Variants in TTN observed in about 807,000 individuals in gnomAD.
TTN encodes the protein titin.
In TTN, 1,525 loss-of-function variants were observed where a neutral mutation model predicts 3,223.0. The observed-to-expected ratio is 0.47, with a 90% CI of 0.45 to 0.49. The LOEUF (loss-of-function observed/expected upper bound fraction) is 0.49, where lower values mean the gene tolerates loss of function less well. TTN is among the 20% of genes least tolerant of loss of function. TTN has a pLI of 0.00. For synonymous variants in TTN, 14,094 were observed against 15,161.0 expected, an observed-to-expected ratio of 0.93 and a Z score of 5.17; for missense variants, 40,786 against 43,424.0, an observed-to-expected ratio of 0.94 and a Z score of 5.40.
At chr2:178,664,430 C>A (rs370553342) in intron 168 of TTN, 30 bp downstream of exon 168, 69 of 1,549,086 alleles carry the variant, frequency 4.5e-5, no homozygotes, top group Middle Eastern at 3.4e-4. Context: ...CACCCACTAT[C>A]CCACCATAAA....
Position 178,560,027 on chromosome 2 carries a change from A to C in TTN, c.86105T>G (p.Ile28702Ser). ...KSDDTDWKTS[I>S]QSLRGTEYTI... Reference sequence around the variant, plus strand: ...ATATTCTGTCCCTCGTAAGCTCTGAATGGAAGTTTTCCAGTCAGTGTCATC... The same window carrying C: ...ATATTCTGTCCCTCGTAAGCTCTGACTGGAAGTTTTCCAGTCAGTGTCATC... The change falls in exon 326 of 363, where the codon ATT becomes AGT. Residue 28702 changes from isoleucine (I) to serine (S), a missense_variant. Physicochemically the swap from Ile to Ser is moderately radical, Grantham distance 142. Transcript: ENST00000589042. The C allele has an allele frequency of 6.2e-7, 1 of 1,613,708 alleles. No homozygotes were observed.
At chr2:178,791,374 T>C (rs2093481018) in intron 10 of TTN, among the ~76,000 whole-genome samples, 1 of 152,172 alleles carries the variant, frequency 6.6e-6, no homozygotes, top group African/African-American at 2.4e-5. Flanking sequence ...TCAAGGAGGA[T>C]GAGCACAGGC....
chr2:178,703,924 G>T (rs910831108), intron 106 of TTN, among the ~76,000 whole-genome samples: 1 of 152,182 alleles, frequency 6.6e-6, no homozygotes, highest in South Asian at 2.1e-4. Context: ...TCTTAGACTA[G>T]ATTAAAATCT....
chr2:178,648,519 C>T (rs1193594392), intron 213 of TTN, among the ~76,000 whole-genome samples: 1 of 152,090 alleles, frequency 6.6e-6, no homozygotes, highest in Non-Finnish European at 1.5e-5. Flanking sequence ...AAGCAATTCT[C>T]CTGCCTCAGC....
intron 295 of TTN, among the ~76,000 whole-genome samples, chr2:178,594,887 GTC>G (rs1159947212): frequency 1.3e-5 from 2 of 152,046 alleles, no homozygotes; most frequent in African/African-American, 4.8e-5. Flanking sequence ...TTTAGGAAAG[GTC>G]TTCAGAATTG....
Position 178,548,737 on chromosome 2 carries a change from G to A in TTN, c.92889C>T (p.Asp30963=). 1 of 1,613,804 alleles carries A rather than the reference G, an allele frequency of 6.2e-7. No individual in the cohort carries two copies. The highest frequency in any genetic ancestry group is 8.5e-7 in the Non-Finnish European group (1 of 1,179,798). ...TATCAGCCCGAAGGCTAAGGTTAGA[G>A]TCTGGTTTGCTCCACACAGCTGTAG... ...PTPTAVWSKP[D]SNLSLRADIH... Residue 30963 remains aspartate, a synonymous_variant, in exon 339 of 363, where the codon GAC becomes GAT. Coordinates refer to ENST00000589042, the MANE Select transcript of TTN (RefSeq NM_001267550.2). The surrounding 1 kb of genome is among the most constrained non-coding windows in gnomAD (Gnocchi z 4.3).
chr2:178,770,625 C>T lies in TTN; in HGVS notation c.8167G>A (p.Asp2723Asn), dbSNP rs766896377. The change falls in exon 35 of 363, where the codon GAT (aspartate) becomes AAT (asparagine). Residue 2723 changes from aspartate (D) to asparagine (N), a missense_variant. Physicochemically the swap from Asp to Asn is conservative, Grantham distance 23 (BLOSUM62 1). Coordinates refer to ENST00000589042, the MANE Select transcript of TTN (RefSeq NM_001267550.2). ...GTAAGCTCGACAGTGAAAACAGCAT[C>T]CTGTGTTTCTGTCACTGTGAGGTTC... ...LKNLTVTETQDAVFTVELTHP... is the reference protein window; with the variant it reads ...LKNLTVTETQNAVFTVELTHP... 41 of 1,614,030 alleles carry T rather than the reference C, an allele frequency of 2.5e-5. No homozygotes were observed. Among genetic ancestry groups the T allele is most frequent in the Non-Finnish European group, 3.4e-5 (40 of 1,180,014 alleles).
Position 178,706,689 on chromosome 2 carries a change from C to T in TTN, c.29185G>A (p.Val9729Ile), listed in dbSNP as rs1060500451. 1.2e-5 allele frequency: 19 copies of T among 1,613,344 alleles called. No individual in the cohort carries two copies. The highest frequency in any genetic ancestry group is 1.6e-5 in the Non-Finnish European group (19 of 1,179,520). Residue 9729 changes from valine (V) to isoleucine (I), a missense_variant, in exon 102 of 363, where the codon GTT becomes ATT. Coordinates refer to ENST00000589042, the MANE Select transcript of TTN (RefSeq NM_001267550.2). Reference protein sequence around the residue: ...AKVGGDPIPNVKWTKGKWRQL... With the variant: ...AKVGGDPIPNIKWTKGKWRQL... ...CTCCACTTCCCTTTTGTCCATTTAA[C>T]ATTTGGGATTGGGTCACCTCCAACT...
chr2:178,560,611 C>A lies in TTN; in HGVS notation c.85521G>T (p.Met28507Ile). 1 of 1,613,468 alleles carries A rather than the reference C, an allele frequency of 6.2e-7. No homozygotes were observed. The highest frequency in any genetic ancestry group is 8.5e-7 in the Non-Finnish European group (1 of 1,179,760). ...GTAACTTGGTTACTTTACAGGATGTCATCTGTAACTCTCCTTCACATATTG... is the reference window on the plus strand; with the variant it reads ...GTAACTTGGTTACTTTACAGGATGTAATCTGTAACTCTCCTTCACATATTG... Reference protein sequence around the residue: ...AWTICEGELQMTSCKVTKLLK... With the variant: ...AWTICEGELQITSCKVTKLLK... Residue 28507 changes from methionine to isoleucine, a missense_variant, in exon 326 of 363, where the codon ATG becomes ATT. By Grantham distance (10) the Met-to-Ile change is conservative (BLOSUM62 1). Transcript: ENST00000589042.
Position 178,666,896 on chromosome 2 carries a change from C to A in TTN, c.35803G>T (p.Glu11935Ter). Residue 11935 changes from glutamate to a stop codon, truncating the protein, a stop_gained, in exon 163 of 363, where the codon GAA becomes TAA. Coordinates refer to ENST00000589042, the MANE Select transcript of TTN (RefSeq NM_001267550.2). LOFTEE classifies it high-confidence loss of function. ...TCTGGAATGACTTCCTTGAAGACTT[C>A]AAACTCTTTAAAGATATTAGTATTT... Reference protein sequence around the residue: ...IPEHPPTEEFEVFKEVIPEGE... With the variant: ...IPEHPPTEEF The A allele has an allele frequency of 6.4e-7, 1 of 1,553,010 alleles. No homozygotes were observed. The highest frequency in any genetic ancestry group is 8.7e-7 in the Non-Finnish European group (1 of 1,149,800).
chr2:178,789,425 T>C lies in TTN; in HGVS notation c.2011A>G (p.Thr671Ala), dbSNP rs774448135. ...VATAKAKEQE[T>A]ILRTRETMAT... is the part of the protein sequence containing the mutation. ...ATAGTTTCTCTAGTTCTCAGTATTGTTTCTTGTTCTTTGGCTTTAGCAGTA... is the reference window on the plus strand; with the variant it reads ...ATAGTTTCTCTAGTTCTCAGTATTGCTTCTTGTTCTTTGGCTTTAGCAGTA... Residue 671 changes from threonine (T) to alanine (A), a missense_variant, in exon 13 of 363, where the codon ACA becomes GCA. Physicochemically the swap from Thr to Ala is moderately conservative, Grantham distance 58. Coordinates refer to ENST00000589042, the MANE Select transcript of TTN (RefSeq NM_001267550.2). 3.7e-6 allele frequency: 6 copies of C among 1,613,588 alleles called. No individual in the cohort carries two copies. Among genetic ancestry groups the C allele is most frequent in the Admixed American group, 3.3e-5 (2 of 60,018 alleles).
chr2:178,615,407 T>C lies in TTN; in HGVS notation c.48538A>G (p.Lys16180Glu), dbSNP rs759396669. 6.8e-6 allele frequency: 11 copies of C among 1,612,574 alleles called. No homozygotes were observed. The highest frequency in any genetic ancestry group is 1.6e-4 in the Middle Eastern group (1 of 6,066). ...TTGATGCGTGAACCACCATCATTTT[T>C]AGGTGGATCCCATGTTAAGAAGATG... ...NSIFLTWDPP[K>E]NDGGSRIKGY... is the part of the protein sequence containing the mutation. The change falls in exon 259 of 363, where the codon AAA becomes GAA. Residue 16180 changes from lysine (K) to glutamate (E), a missense_variant. Lys to Glu is a moderately conservative substitution (Grantham distance 56). Transcript: ENST00000589042.
intron 197 of TTN, 36 bp downstream of exon 197, chr2:178,653,391 T>C (rs568561782): frequency 6.2e-7 from 1 of 1,605,398 alleles, no homozygotes; most frequent in East Asian, 2.2e-5. Context: ...GCAGAGGAAT[T>C]GGATCTTCTG....
In TTN at chr2:178,711,340, A is replaced by C. The variant is rs879046044; in HGVS notation, c.27896T>G (p.Leu9299Arg). 16 of 1,605,780 alleles carry C rather than the reference A, an allele frequency of 1.0e-5. No homozygotes were observed. The highest frequency in any genetic ancestry group is 3.4e-5 in the Admixed American group (2 of 59,236). ...STFLTVQEQK[L>R]PPSFSRQLRD... The stretch of plus-strand genomic sequence containing the variant: ...CAATTGTCGAGAAAATGATGGTGGA[A>C]GTTTTTGCTCTGTAGGAACAGAATA... The change falls in exon 97 of 363, where the codon CTT becomes CGT. Residue 9299 changes from leucine to arginine, a missense_variant. Leu to Arg is a moderately radical substitution (Grantham distance 102). Coordinates refer to ENST00000589042, the MANE Select transcript of TTN (RefSeq NM_001267550.2).
chr2:178,744,464 A>C, intron 47 of TTN: 1 of 872,696 alleles, frequency 1.1e-6, no homozygotes, highest in Non-Finnish European at 1.4e-6. Flanking sequence ...TATATAGGTA[A>C]GATATTAAGG....
At chr2:178,628,706 C>G (rs1486278255) in intron 240 of TTN, 1 of 152,120 alleles carries the variant, frequency 6.6e-6, no homozygotes, top group Non-Finnish European at 1.5e-5. Context: ...CCACAGAGCC[C>G]TTCTTTCTTG....
At chr2:178,705,144 T>C (rs780652810) in intron 103 of TTN, 30 bp downstream of exon 103, 19 of 1,600,820 alleles carry the variant, frequency 1.2e-5, no homozygotes, top group Admixed American at 1.0e-4. Flanking sequence ...GTGACTTTTT[T>C]AGCATGATGC....
intron 208 of TTN, 30 bp downstream of exon 208, chr2:178,651,213 T>C (rs1414243134): frequency 1.9e-6 from 3 of 1,589,274 alleles, no homozygotes; most frequent in Middle Eastern, 1.7e-4. Context: ...GGTGAGTGCT[T>C]TTCTGCAGAA....
chr2:178,795,024 A>G lies in TTN; in HGVS notation c.1143T>C (p.Gly381=). Residue 381 remains glycine (G), a synonymous_variant, in exon 7 of 363, where the codon GGT becomes GGC. Transcript: ENST00000589042. ...RTEERWEGRY[G]VQEQVTISGA... is the part of the protein sequence containing the mutation. ...CACTGATGGTCACTTGCTCCTGGAC[A>G]CCGTATCTCCCTTCCCATCTCTCTT... 6.2e-7 allele frequency: 1 copy of G among 1,612,274 alleles called. No individual in the cohort carries two copies. The highest frequency in any genetic ancestry group is 8.5e-7 in the Non-Finnish European group (1 of 1,179,994).
Sources: allele counts gnomAD v4.1 joint callset (sites outside exome capture counted in the v4.1 genomes callset), GRCh38; gene constraint gnomAD v4.1.1; non-coding constraint Gnocchi (gnomAD v3.1); transcripts MANE v1.5; gene names NCBI Gene and HGNC (gene_info 2026-07-23, HGNC 2026-07-21).